Variants in ZNF837 observed in about 807,000 individuals in gnomAD.
ZNF837 encodes zinc finger protein 837.
For missense variants in ZNF837, 955 were observed against 801.7 expected (o/e 1.19, Z -2.31); for synonymous variants, 475 against 365.2 (o/e 1.30, Z -3.43).
At position 58,367,680 on chromosome 19, in the gene ZNF837, G is replaced by GC. The variant is rs2148013182; in HGVS notation, c.*56dup. On this transcript the variant is annotated 3_prime_UTR_variant, in exon 3 of 3. Transcript: ENST00000597582. ...CGTTGGTGGGTTTTCCGGGACAAAG[G>GC]CCCCTCCTCGACGCAGGGTTCGCTT... 6.9e-7 allele frequency: 1 copy of GC among 1,440,178 alleles called. No individual in the cohort carries two copies. The highest frequency in any genetic ancestry group is 9.1e-7 in the Non-Finnish European group (1 of 1,101,962). 89.2% of individuals were successfully genotyped at this position (1,440,178 alleles called of 1,614,324 possible).
Position 58,369,863 on chromosome 19 carries a change from A to G in ZNF837, c.-74T>C, listed in dbSNP as rs1051536308. On this transcript the variant is annotated 5_prime_UTR_variant, in exon 2 of 3. Transcript: ENST00000597582. ...CCGGGAGATCCACGCTGCAGAGGCC[A>G]ATGCTGGACTTCCCCTCCCCTCTTC... 2.0e-5 allele frequency: 3 copies of G among 152,274 alleles called. No homozygotes were observed. The highest frequency in any genetic ancestry group is 4.4e-5 in the Non-Finnish European group (3 of 68,128). 9.4% of individuals were successfully genotyped at this position (152,274 alleles called of 1,614,324 possible).
Position 58,367,875 on chromosome 19 carries a change from G to A in ZNF837, c.1458C>T (p.Arg486=). 2 of 1,534,892 alleles carry A rather than the reference G, an allele frequency of 1.3e-6. No homozygotes were observed. The highest frequency in any genetic ancestry group is 1.2e-5 in the South Asian group (1 of 83,816). ...ICRDCGKAFV[R]NCSLVRHLRT... ...GCAGGTGGCGCACCAGGCTGCAGTTGCGCACGAAGGCCTTGCCGCAGTCGC... is the reference window on the plus strand; with the variant it reads ...GCAGGTGGCGCACCAGGCTGCAGTTACGCACGAAGGCCTTGCCGCAGTCGC... Residue 486 remains arginine (R), a synonymous_variant, in exon 3 of 3, where the codon CGC becomes CGT. Coordinates refer to ENST00000597582, the MANE Select transcript of ZNF837 (RefSeq NM_138466.2).
intron 1 of ZNF837, among the ~76,000 whole-genome samples, chr19:58,372,737 A>G (rs776115639): frequency 2.6e-5 from 4 of 152,238 alleles, no homozygotes; most frequent in African/African-American, 9.6e-5. Context: ...TCATGACCAC[A>G]ATGGCAGAAA....
At position 58,378,667 on chromosome 19, in the gene ZNF837, A is replaced by G. The variant is rs151067674; in HGVS notation, c.-140+2274T>C. On this transcript the variant is annotated intron_variant, in intron 1 of 2. Coordinates refer to ENST00000597582, the MANE Select transcript of ZNF837 (RefSeq NM_138466.2). Reference sequence around the variant, plus strand: ...GAAGGAGGCTGCAAAAGATATATCCAATGTCCTAACCCCGGAACTCTCAGA... The same window carrying G: ...GAAGGAGGCTGCAAAAGATATATCCGATGTCCTAACCCCGGAACTCTCAGA... Among the ~76,000 whole-genome samples the G allele has an allele frequency of 6.3e-3, 960 of 152,338 alleles. 2 individuals carry two copies. The highest frequency in any genetic ancestry group is 0.01 in the Non-Finnish European group (694 of 68,026).
At position 58,369,228 on chromosome 19, in the gene ZNF837, G is replaced by A; in HGVS notation, c.105C>T (p.Leu35=). The A allele has an allele frequency of 1.4e-6, 2 of 1,433,362 alleles. No individual in the cohort carries two copies. The highest frequency in any genetic ancestry group is 3.0e-5 in the South Asian group (2 of 67,652). The allele number at this position is 1,433,362 out of a possible 1,614,324, so 88.8% of individuals were successfully genotyped here. The part of the protein sequence containing the change: ...REKRPEEPRP[L]EEDRAGSRPT... ...GGCGGCTCCCAGCTCGGTCCTCTTC[G>A]AGGGGCCTCGGCTCCTCGGGCCTCT... The change falls in exon 3 of 3, where the codon CTC becomes CTT. Residue 35 remains leucine (L), a synonymous_variant. Transcript: ENST00000597582.
chr19:58,375,896 T>TTTATTTATTTATTTTTATTTTA (rs1157045781), intron 1 of ZNF837, among the ~76,000 whole-genome samples: 1 of 151,756 alleles, frequency 6.6e-6, no homozygotes, highest in East Asian at 1.9e-4. Context: ...ATGAAGGTGG[T>TTTATTTATTTATTTTTATTTTA]TTATTTATTT....
In ZNF837 at chr19:58,368,176, G is replaced by A. The variant is rs759909774; in HGVS notation, c.1157C>T (p.Thr386Ile). Residue 386 changes from threonine (T) to isoleucine (I), a missense_variant, in exon 3 of 3, where the codon ACC becomes ATC. Physicochemically the swap from Thr to Ile is moderately conservative, Grantham distance 89. Transcript: ENST00000597582. ...SHLVEHRRVH[T>I]GEKPYACPEC... ...GGGGCACGCGTAGGGCTTCTCGCCG[G>A]TGTGCACGCGCCGGTGCTCCACGAG... 2 of 1,584,354 alleles carry A rather than the reference G, an allele frequency of 1.3e-6. No individual in the cohort carries two copies. Among genetic ancestry groups the A allele is most frequent in the South Asian group, 1.1e-5 (1 of 87,924 alleles).
intron 1 of ZNF837, among the ~76,000 whole-genome samples, chr19:58,375,458 G>GT (rs1270450189): frequency 6.7e-6 from 1 of 150,286 alleles, no homozygotes; most frequent in Non-Finnish European, 1.5e-5. Context: ...GTTTTGTTTT[G>GT]TTTTTTTGAG....
In ZNF837 at chr19:58,376,805, T is replaced by A. The variant is rs558086194; in HGVS notation, c.-140+4136A>T. On this transcript the variant is annotated intron_variant, in intron 1 of 2. Transcript: ENST00000597582. ...ATATCAAAGAGAAAACTTGGCTGGG[T>A]GTAGTGGCTTATGCCTATAATCCCA... Among the ~76,000 whole-genome samples the A allele has an allele frequency of 1.5e-3, 228 of 151,722 alleles. 2 individuals are homozygous for A. The highest frequency in any genetic ancestry group is 2.7e-3 in the Admixed American group (41 of 15,228).
In ZNF837 at chr19:58,368,424, C is replaced by A. The variant is rs370887708; in HGVS notation, c.909G>T (p.Glu303Asp). Reference sequence around the variant, plus strand: ...AGCAGCGCACGAAGGCCTTGCCGCACTCGGCGCACTCGTAGGGCCGCTCGC... The same window carrying A: ...AGCAGCGCACGAAGGCCTTGCCGCAATCGGCGCACTCGTAGGGCCGCTCGC... Reference protein sequence around the residue: ...HTGERPYECAECGKAFVRCSG... With the variant: ...HTGERPYECADCGKAFVRCSG... The change falls in exon 3 of 3, where the codon GAG becomes GAT. Residue 303 changes from glutamate to aspartate, a missense_variant. Transcript: ENST00000597582. 2 of 1,552,084 alleles carry A rather than the reference C, an allele frequency of 1.3e-6. No individual in the cohort carries two copies.
At chr19:58,374,944 A>G (rs1391344143) in intron 1 of ZNF837, among the ~76,000 whole-genome samples, 2 of 125,942 alleles carry the variant, frequency 1.6e-5, no homozygotes, top group African/African-American at 6.3e-5. Flanking sequence ...AAAAAAAAAA[A>G]TTATATATAT....
intron 1 of ZNF837, among the ~76,000 whole-genome samples, chr19:58,374,507 G>T (rs6510143): frequency 2.0e-5 from 3 of 152,074 alleles, no homozygotes; most frequent in South Asian, 2.1e-4. Context: ...AAAGTAGACT[G>T]GTGGTCGCCA....
Position 58,368,420 on chromosome 19 carries a change from C to T in ZNF837, c.913G>A (p.Gly305Ser). 1.3e-6 allele frequency: 2 copies of T among 1,550,356 alleles called. No homozygotes were observed. The highest frequency in any genetic ancestry group is 1.7e-6 in the Non-Finnish European group (2 of 1,150,186). ...GERPYECAEC[G>S]KAFVRCSGLY... ...CCGGAGCAGCGCACGAAGGCCTTGCCGCACTCGGCGCACTCGTAGGGCCGC... is the reference window on the plus strand; with the variant it reads ...CCGGAGCAGCGCACGAAGGCCTTGCTGCACTCGGCGCACTCGTAGGGCCGC... The change falls in exon 3 of 3, where the codon GGC becomes AGC. Residue 305 changes from glycine (G) to serine (S), a missense_variant. By Grantham distance (56) the Gly-to-Ser change is moderately conservative. Coordinates refer to ENST00000597582, the MANE Select transcript of ZNF837 (RefSeq NM_138466.2).
At chr19:58,379,351 C>G (rs183072119) in intron 1 of ZNF837, among the ~76,000 whole-genome samples, 1 of 152,208 alleles carries the variant, frequency 6.6e-6, no homozygotes, top group Non-Finnish European at 1.5e-5. Context: ...GAACCTGCCT[C>G]CCAGCACCAG....
Position 58,368,129 on chromosome 19 carries a change from G to A in ZNF837, c.1204C>T (p.Gln402Ter). ...TGGTGCCGGCTCAGGTTCGAGCGCT[G>A]GTTGAAGGCCTTGCCGCACTCGGGG... ...ACPECGKAFN[Q>*]RSNLSRHQRT... The change falls in exon 3 of 3, where the codon CAG becomes TAG. Residue 402 changes from glutamine to a stop codon, truncating the protein, a stop_gained. Coordinates refer to ENST00000597582, the MANE Select transcript of ZNF837 (RefSeq NM_138466.2). LOFTEE classifies it low-confidence loss of function (END_TRUNC). 1.9e-6 allele frequency: 3 copies of A among 1,583,728 alleles called. No homozygotes were observed. Among genetic ancestry groups the A allele is most frequent in the Non-Finnish European group, 2.6e-6 (3 of 1,166,822 alleles).
intron 1 of ZNF837, among the ~76,000 whole-genome samples, chr19:58,374,007 G>A (rs1334364968): frequency 2.0e-5 from 3 of 152,228 alleles, no homozygotes; most frequent in Non-Finnish European, 4.4e-5. Flanking sequence ...GGCCTCAGCT[G>A]GCACCATCCA....
At chr19:58,372,239 A>G (rs940988986) in intron 1 of ZNF837, among the ~76,000 whole-genome samples, 3 of 151,692 alleles carry the variant, frequency 2.0e-5, no homozygotes, top group Admixed American at 6.6e-5. Context: ...TTTTTTTCTT[A>G]GTAGAGCCGG....
chr19:58,380,473 G>A (rs1300876317), intron 1 of ZNF837, among the ~76,000 whole-genome samples: 1 of 152,268 alleles, frequency 6.6e-6, no homozygotes, highest in Admixed American at 6.5e-5. Flanking sequence ...AGCAGCGCGA[G>A]GGCGCCAGGG....
At chr19:58,372,186 C>T (rs1357621315) in intron 1 of ZNF837, among the ~76,000 whole-genome samples, 1 of 152,098 alleles carries the variant, frequency 6.6e-6, no homozygotes, top group East Asian at 1.9e-4. Context: ...TCCTGAGTAG[C>T]TGGGATTATA....
Sources: gnomAD v4.1 joint callset for allele counts (sites outside exome capture counted in the v4.1 genomes callset) on GRCh38, gnomAD v4.1.1 for gene constraint, MANE v1.5 for transcripts, NCBI Gene and HGNC (gene_info 2026-07-23, HGNC 2026-07-21) for gene names.